The following BTRC variants were observed in gnomAD, a reference collection of about 807,000 sequenced individuals.
BTRC encodes the protein beta-transducin repeat containing E3 ubiquitin protein ligase, also known as F-box/WD repeat-containing protein 1A.
Under a neutral mutation model 85.5 loss-of-function variants are expected in BTRC, and 42 were observed. The ratio of observed to expected loss-of-function variants is 0.49; its 90% CI spans 0.38 to 0.64. BTRC has a LOEUF of 0.64. Among genes scored for constraint, BTRC ranks in the 30% least tolerant of loss-of-function variants. BTRC has a pLI of 0.00. For synonymous variants in BTRC, 255 were observed against 263.3 expected, an observed-to-expected ratio of 0.97 and a Z score of 0.30; for missense variants, 594 against 743.5, an observed-to-expected ratio of 0.80 and a Z score of 2.34.
At chr10:101,394,543 C>A (rs532813028) in intron 1 of BTRC, among the ~76,000 whole-genome samples, 1 of 152,172 alleles carries the variant, frequency 6.6e-6, no homozygotes, top group African/African-American at 2.4e-5. Flanking sequence ...GTCCTTCTTC[C>A]GCTTCCCTAC....
intron 5 of BTRC, among the ~76,000 whole-genome samples, chr10:101,522,358 A>C (rs1373776683): frequency 6.8e-5 from 5 of 73,852 alleles, no homozygotes; most frequent in Non-Finnish European, 1.3e-4. Flanking sequence ...GCTTTAAAAA[A>C]AAAAAAAACA....
intron 3 of BTRC, among the ~76,000 whole-genome samples, chr10:101,472,736 AC>A (rs1057388459): frequency 2.4e-4 from 36 of 151,940 alleles, no homozygotes; most frequent in African/African-American, 8.2e-4. Context: ...AATTGCTTGA[AC>A]CCGGGAGACG....
Position 101,536,578 on chromosome 10 carries a change from T to C in BTRC, c.1502T>C (p.Val501Ala). The C allele has an allele frequency of 1.2e-6, 2 of 1,613,876 alleles. No homozygotes were observed. The highest frequency in any genetic ancestry group is 1.7e-6 in the Non-Finnish European group (2 of 1,179,836). ...WDIECGACLR[V>A]LEGHEELVRC... ...ATAGAATGTGGTGCATGTTTACGAG[T>C]GTTAGAAGGCCATGAGGAATTGGTG... The change falls in exon 12 of 15, where the codon GTG (valine) becomes GCG (alanine). Residue 501 changes from valine to alanine, a missense_variant. By Grantham distance (64) the Val-to-Ala change is moderately conservative (BLOSUM62 0). This residue lies in a region of BTRC where 373 missense variants were observed against 503.6 expected (regional missense o/e 0.74). Coordinates refer to ENST00000370187, the MANE Select transcript of BTRC (RefSeq NM_033637.4).
Position 101,521,682 on chromosome 10 carries a change from A to T in BTRC, c.368A>T (p.Gln123Leu). 2.5e-6 allele frequency: 4 copies of T among 1,614,198 alleles called. No individual in the cohort carries two copies. The highest frequency in any genetic ancestry group is 3.4e-6 in the Non-Finnish European group (4 of 1,180,038). Residue 123 changes from glutamine (Q) to leucine (L), a missense_variant, in exon 5 of 15, where the codon CAA becomes CTA. Coordinates refer to ENST00000370187, the MANE Select transcript of BTRC (RefSeq NM_033637.4). The stretch of plus-strand genomic sequence containing the variant: ...ACTTCCAGTATGATTGTGCCCAAGC[A>T]ACGGAAACTCTCAGCAAGCTATGAA... ...NGTSSMIVPK[Q>L]RKLSASYEKE...
chr10:101,511,551 T>TTTTGC (rs1342744560), intron 4 of BTRC, among the ~76,000 whole-genome samples: 2 of 151,532 alleles, frequency 1.3e-5, no homozygotes, highest in Non-Finnish European at 2.9e-5. Context: ...GGGTTTTTTG[T>TTTTGC]TTTGTTTTGT....
intron 2 of BTRC, among the ~76,000 whole-genome samples, chr10:101,445,002 G>A (rs1005556837): frequency 3.3e-5 from 5 of 152,178 alleles, no homozygotes; most frequent in African/African-American, 1.2e-4. Flanking sequence ...CAATGAATGG[G>A]GCAGGAGGGT....
At position 101,521,579 on chromosome 10, in the gene BTRC, A is replaced by T. The variant is rs2062106370; in HGVS notation, c.325-60A>T. Reference sequence around the variant, plus strand: ...ATAGCATGCCATACCAGAAAATCATATATATTTCCCTCATTTTCAATACTA... The same window carrying T: ...ATAGCATGCCATACCAGAAAATCATTTATATTTCCCTCATTTTCAATACTA... On this transcript the variant is annotated intron_variant, in intron 4 of 14. Coordinates refer to ENST00000370187, the MANE Select transcript of BTRC (RefSeq NM_033637.4). 6 of 1,205,142 alleles carry T rather than the reference A, an allele frequency of 5.0e-6. No individual in the cohort carries two copies. The East Asian group carries it at 1.5e-4, about 30-fold the overall frequency. 74.7% of individuals were successfully genotyped at this position (1,205,142 alleles called of 1,614,324 possible).
chr10:101,434,930 T>G (rs1232168056), intron 2 of BTRC, among the ~76,000 whole-genome samples: 1 of 152,056 alleles, frequency 6.6e-6, no homozygotes, highest in Non-Finnish European at 1.5e-5. Flanking sequence ...CCACTGCACC[T>G]GGCCTCAACA....
intron 4 of BTRC, among the ~76,000 whole-genome samples, chr10:101,489,582 T>C (rs1946077304): frequency 6.6e-6 from 1 of 152,172 alleles, no homozygotes; most frequent in South Asian, 2.1e-4. Flanking sequence ...TTTGAACCTT[T>C]TACTACCCAT....
At chr10:101,402,915 C>CT (rs1331509803) in intron 1 of BTRC, among the ~76,000 whole-genome samples, 3 of 152,094 alleles carry the variant, frequency 2.0e-5, no homozygotes, top group African/African-American at 7.2e-5. Context: ...TGATATCAGA[C>CT]TAGTAATATT....
intron 1 of BTRC, among the ~76,000 whole-genome samples, chr10:101,420,405 C>T (rs1944068370): frequency 6.6e-6 from 1 of 152,052 alleles, no homozygotes; most frequent in African/African-American, 2.4e-5. Flanking sequence ...CCCCTTCCAC[C>T]CTCCTCACTC....
chr10:101,387,528 C>CTTTTTTT (rs535656002), intron 1 of BTRC, among the ~76,000 whole-genome samples: 1,339 of 45,004 alleles, frequency 0.03, 360 homozygotes, highest in African/African-American at 0.048. Flanking sequence ...CTTCATGGGA[C>CTTTTTTT]TTTTTTTTTT....
At chr10:101,404,026 ATATAT>A (rs1410589715) in intron 1 of BTRC, among the ~76,000 whole-genome samples, 1 of 26,212 alleles carries the variant, frequency 3.8e-5, no homozygotes, top group East Asian at 1.4e-3. Flanking sequence ...ATATATATAT[ATATAT>A]TTTTTTTTTT....
chr10:101,413,814 G>T (rs116496968), intron 1 of BTRC, among the ~76,000 whole-genome samples: 3 of 151,882 alleles, frequency 2.0e-5, no homozygotes, highest in Non-Finnish European at 4.4e-5. Context: ...TTCAACTTTC[G>T]TGTTTTTTTA....
intron 1 of BTRC, among the ~76,000 whole-genome samples, chr10:101,358,549 A>G (rs1366382563): frequency 6.6e-6 from 1 of 152,232 alleles, no homozygotes; most frequent in African/African-American, 2.4e-5. Context: ...TAAAGGGTAA[A>G]TATTTGCTGT....
intron 1 of BTRC, among the ~76,000 whole-genome samples, chr10:101,388,705 A>G (rs377211993): frequency 6.4e-4 from 97 of 151,628 alleles, no homozygotes; most frequent in African/African-American, 2.2e-3. Context: ...TGCCTAGGCT[A>G]GTCTTGAACT....
rs774379184 is a variant in BTRC, at chr10:101,354,192, C to G, written c.12C>G (p.Ala4=). 2.6e-6 allele frequency: 4 copies of G among 1,548,956 alleles called. No homozygotes were observed. Among genetic ancestry groups the G allele is most frequent in the Non-Finnish European group, 3.5e-6 (4 of 1,146,686 alleles). The part of the protein sequence containing the change: MDP[A]EAVLQEKALK... Reference sequence around the variant, plus strand: ...TGGCCTCGGCGATTATGGACCCGGCCGAGGCGGTGCTGCAAGAGAAGGCAC... The same window carrying G: ...TGGCCTCGGCGATTATGGACCCGGCGGAGGCGGTGCTGCAAGAGAAGGCAC... Residue 4 remains alanine, a synonymous_variant, in exon 1 of 15, where the codon GCC becomes GCG. Transcript: ENST00000370187.
Position 101,462,016 on chromosome 10 carries a change from A to T in BTRC, c.192A>T (p.Glu64Asp). 1 of 1,612,460 alleles carries T rather than the reference A, an allele frequency of 6.2e-7. No individual in the cohort carries two copies. The highest frequency in any genetic ancestry group is 8.5e-7 in the Non-Finnish European group (1 of 1,178,898). The change falls in exon 3 of 15, where the codon GAA becomes GAT. Residue 64 changes from glutamate (E) to aspartate (D), a missense_variant. Glu to Asp is a conservative substitution (Grantham distance 45). Transcript: ENST00000370187. Reference protein sequence around the residue: ...SSEREDCNNGEPPRKIIPEKN... With the variant: ...SSEREDCNNGDPPRKIIPEKN... The stretch of plus-strand genomic sequence containing the variant: ...AGAGAGAAGACTGTAATAATGGCGA[A>T]CCCCCTAGGAAGATAATACCAGAGA...
chr10:101,361,004 C>T (rs936972186), intron 1 of BTRC, among the ~76,000 whole-genome samples: 1 of 151,846 alleles, frequency 6.6e-6, no homozygotes, highest in Non-Finnish European at 1.5e-5. Context: ...TGGGGTCTTG[C>T]TGTGTTGCCC....
Sources: gnomAD v4.1 joint callset for allele counts (sites outside exome capture counted in the v4.1 genomes callset) on GRCh38, gnomAD v4.1.1 for gene constraint, gnomAD v4.1.1 regional missense constraint, MANE v1.5 for transcripts, NCBI Gene and HGNC (gene_info 2026-07-23, HGNC 2026-07-21) for gene names.